Variants in DGLUCY observed in about 807,000 individuals in gnomAD.
DGLUCY encodes the protein D-glutamate cyclase, also known as D-glutamate cyclase, mitochondrial.
In DGLUCY, 58 loss-of-function variants were observed where a neutral mutation model predicts 58.5. The ratio of observed to expected loss-of-function variants is 0.99; its 90% CI spans 0.80 to 1.23. The LOEUF is 1.23. DGLUCY is among the 50% of genes most tolerant of loss of function. The pLI is 0.00. For synonymous variants in DGLUCY, 325 were observed against 314.1 expected, an observed-to-expected ratio of 1.03 and a Z score of -0.37; for missense variants, 779 against 784.7, an observed-to-expected ratio of 0.99 and a Z score of 0.09.
intron 1 of DGLUCY, among the ~76,000 whole-genome samples, chr14:91,148,165 C>T (rs889871784): frequency 6.6e-6 from 1 of 151,690 alleles, no homozygotes; most frequent in East Asian, 1.9e-4. Context: ...CAGAGTAAAT[C>T]TCTGTCTCAA....
intron 13 of DGLUCY, 90 bp from the exon 14 acceptor site, chr14:91,224,588 CAAGGCA>C: frequency 7.6e-7 from 1 of 1,324,252 alleles, no homozygotes; most frequent in Non-Finnish European, 1.0e-6. Context: ...GCAAGTATGT[CAAGGCA>C]AAGGATCCTT....
intron 12 of DGLUCY, among the ~76,000 whole-genome samples, chr14:91,211,788 T>G (rs1461487632): frequency 6.6e-6 from 1 of 152,106 alleles, no homozygotes; most frequent in Non-Finnish European, 1.5e-5. Context: ...TTATGACTTC[T>G]TTTTATTTTA....
intron 1 of DGLUCY, among the ~76,000 whole-genome samples, chr14:91,142,819 CACA>C (rs1241060008): frequency 0.32 from 1,144 of 3,578 alleles, 31 homozygotes; most frequent in African/African-American, 0.32. Context: ...CACACACACA[CACA>C]ACACACCATC....
At chr14:91,197,592 T>G (rs1479844846) in intron 10 of DGLUCY, among the ~76,000 whole-genome samples, 1 of 152,250 alleles carries the variant, frequency 6.6e-6, no homozygotes, top group African/African-American at 2.4e-5. Context: ...TTCTACTTTC[T>G]GTCTTTATGA....
In DGLUCY at chr14:91,177,310, A is replaced by T. The variant is rs139749739; in HGVS notation, c.730+1254A>T. On this transcript the variant is annotated intron_variant, in intron 7 of 13. Coordinates refer to ENST00000256324, the MANE Select transcript of DGLUCY (RefSeq NM_001102368.3). Reference sequence around the variant, plus strand: ...CCATTGCTTCAGCCGTTTTGATTAAATATATATTTTTATCTGCTGAAGCAT... The same window carrying T: ...CCATTGCTTCAGCCGTTTTGATTAATTATATATTTTTATCTGCTGAAGCAT... 4.9e-3 allele frequency among the ~76,000 whole-genome samples: 741 copies of T among 152,332 alleles called. 4 individuals carry two copies. The highest frequency in any genetic ancestry group is 0.016 in the African/African-American group (653 of 41,576).
intron 10 of DGLUCY, among the ~76,000 whole-genome samples, chr14:91,197,273 T>C (rs1485638701): frequency 1.3e-5 from 2 of 152,144 alleles, no homozygotes; most frequent in South Asian, 2.1e-4. Context: ...GGCCGCTAAT[T>C]TTTTTATTTT....
intron 3 of DGLUCY, among the ~76,000 whole-genome samples, chr14:91,164,342 C>T (rs1442000809): frequency 1.3e-5 from 2 of 152,210 alleles, no homozygotes; most frequent in African/African-American, 4.8e-5. Context: ...ATGCACAGCT[C>T]TGTCACCTGG....
intron 11 of DGLUCY, among the ~76,000 whole-genome samples, chr14:91,203,793 C>T (rs1300458083): frequency 6.6e-6 from 1 of 152,086 alleles, no homozygotes; most frequent in Non-Finnish European, 1.5e-5. Context: ...TCTCCTGGCT[C>T]AGCCTCCACA....
At chr14:91,096,971 G>T (rs1036051010) in intron 1 of DGLUCY, among the ~76,000 whole-genome samples, 13 of 152,240 alleles carry the variant, frequency 8.5e-5, no homozygotes, top group African/African-American at 3.1e-4. Context: ...TTCTGTGTCA[G>T]CTTAAAAAAA....
At chr14:91,101,948 C>A (rs1433128430) in intron 1 of DGLUCY, among the ~76,000 whole-genome samples, 1 of 152,120 alleles carries the variant, frequency 6.6e-6, no homozygotes, top group East Asian at 1.9e-4. Context: ...CCACCTTGGC[C>A]TCCCAAAGTG....
At chr14:91,184,426 C>T (rs942318486) in intron 8 of DGLUCY, among the ~76,000 whole-genome samples, 12 of 151,206 alleles carry the variant, frequency 7.9e-5, no homozygotes, top group South Asian at 4.2e-4. Context: ...TGGTGTCAAA[C>T]GCCTGTGGTC....
intron 12 of DGLUCY, among the ~76,000 whole-genome samples, chr14:91,213,329 G>A (rs146824229): frequency 0.038 from 5,850 of 152,132 alleles, 197 homozygotes; most frequent in Middle Eastern, 0.088. Context: ...CAGCTACTCG[G>A]GAGGCTGAGG....
At chr14:91,220,835 A>AT (rs1887369590) in intron 13 of DGLUCY, 1 of 380,972 alleles carries the variant, frequency 2.6e-6, no homozygotes, top group Non-Finnish European at 5.3e-6. Context: ...AGCCCATTTC[A>AT]TGCCAGCCCT....
chr14:91,162,287 C>T (rs1346099024), intron 3 of DGLUCY, among the ~76,000 whole-genome samples: 1 of 152,048 alleles, frequency 6.6e-6, no homozygotes, highest in Non-Finnish European at 1.5e-5. Flanking sequence ...TTTCCTCTCT[C>T]TTGTCATTAA....
intron 4 of DGLUCY, chr14:91,167,748 G>T: frequency 3.0e-6 from 2 of 675,478 alleles, no homozygotes; most frequent in Non-Finnish European, 5.4e-6. Context: ...TATTGTGTCT[G>T]TTCTCCCAGG....
At chr14:91,138,360 T>A (rs2046458052) in intron 1 of DGLUCY, among the ~76,000 whole-genome samples, 1 of 152,056 alleles carries the variant, frequency 6.6e-6, no homozygotes, top group Admixed American at 6.6e-5. Context: ...GTGTGGTGGC[T>A]CATGCCTGTA....
At chr14:91,210,648 G>A (rs1885534004) in intron 12 of DGLUCY, among the ~76,000 whole-genome samples, 1 of 152,084 alleles carries the variant, frequency 6.6e-6, no homozygotes, top group Non-Finnish European at 1.5e-5. Flanking sequence ...TACAGAAAAA[G>A]CATTTGACAA....
At chr14:91,068,498 G>A (rs570811164) in intron 1 of DGLUCY, among the ~76,000 whole-genome samples, 2 of 152,202 alleles carry the variant, frequency 1.3e-5, no homozygotes, top group East Asian at 1.9e-4. Context: ...GAGAAATCCC[G>A]TCTGTACTAA....
At chr14:91,144,216 A>T (rs2046891332) in intron 1 of DGLUCY, among the ~76,000 whole-genome samples, 3 of 152,204 alleles carry the variant, frequency 2.0e-5, no homozygotes, top group Admixed American at 6.5e-5. Flanking sequence ...TTCTGGTTTC[A>T]GGAGATTCTA....
Sources: allele counts gnomAD v4.1 joint callset (sites outside exome capture counted in the v4.1 genomes callset), GRCh38; gene constraint gnomAD v4.1.1; transcripts MANE v1.5; gene names NCBI Gene and HGNC (gene_info 2026-07-23, HGNC 2026-07-21).